NCKIPSD: variants seen among roughly 807,000 people sequenced by gnomAD.
NCKIPSD encodes NCK interacting protein with SH3 domain, also known as NCK-interacting protein with SH3 domain.
A neutral mutation model predicts 73.4 loss-of-function variants in NCKIPSD; 48 were observed. The observed-to-expected ratio is 0.65, with a 90% CI of 0.52 to 0.83. The LOEUF (loss-of-function observed/expected upper bound fraction) is 0.83, where lower values mean the gene tolerates loss of function less well. NCKIPSD is among the 40% of genes least tolerant of loss of function. The probability of loss-of-function intolerance (pLI) is 0.00; values close to 1 mark genes in which losing one functional copy is unlikely to be tolerated. For missense variants in NCKIPSD, 884 were observed against 970.2 expected, an observed-to-expected ratio of 0.91 and a Z score of 1.18; for synonymous variants, 422 against 403.6, an observed-to-expected ratio of 1.05 and a Z score of -0.54.
chr3:48,685,369 T>C (rs1442141418), intron 1 of NCKIPSD, among the ~76,000 whole-genome samples: 1 of 151,632 alleles, frequency 6.6e-6, no homozygotes, highest in Non-Finnish European at 1.5e-5. Context: ...GGGTCTGGGG[T>C]CCTGAGGAGT....
In NCKIPSD at chr3:48,674,667, G is replaced by A. The variant is rs1485625323; in HGVS notation, c.2046C>T (p.Asp682=). 1.2e-6 allele frequency: 2 copies of A among 1,613,984 alleles called. No homozygotes were observed. Among genetic ancestry groups the A allele is most frequent in the Non-Finnish European group, 1.7e-6 (2 of 1,180,008 alleles). Residue 682 remains aspartate, a synonymous_variant, in exon 13 of 13, where the codon GAC becomes GAT. Transcript: ENST00000294129. ...PYLQHRHRLP[D]LQAILRRILN... ...GGATGCGTCGCAGTATGGCCTGCAG[G>A]TCGGGTAGCCGGTGGCGGTGCTGCA... is the stretch of plus-strand genomic sequence containing the variant.
chr3:48,679,737 A>C (rs1281576121), intron 7 of NCKIPSD, 24 bp from the exon 8 acceptor site: 31 of 1,614,028 alleles, frequency 1.9e-5, no homozygotes, highest in Non-Finnish European at 2.5e-5. Flanking sequence ...CTGCGTGCTC[A>C]GTGCCTGGAA....
intron 12 of NCKIPSD, 34 bp downstream of exon 12, chr3:48,678,530 A>G (rs546423953): frequency 6.3e-7 from 1 of 1,583,280 alleles, no homozygotes; most frequent in Admixed American, 1.8e-5. Context: ...GTTTCCACAC[A>G]GTGACCCCCG....
Position 48,685,868 on chromosome 3 carries a change from C to T in NCKIPSD, c.-61G>A. On this transcript the variant is annotated 5_prime_UTR_variant, in exon 1 of 13. Coordinates refer to ENST00000294129, the MANE Select transcript of NCKIPSD (RefSeq NM_016453.4). ...GGGCTGCGGCGCCACAACGCCAGGC[C>T]GGGAGCGCCGAGCCGCGCCGCGGTT... The T allele has an allele frequency of 7.5e-7, 1 of 1,337,400 alleles. No homozygotes were observed. The highest frequency in any genetic ancestry group is 1.8e-5 in the South Asian group (1 of 55,386). 82.8% of individuals were successfully genotyped at this position (1,337,400 alleles called of 1,614,324 possible).
intron 12 of NCKIPSD, among the ~76,000 whole-genome samples, chr3:48,676,982 G>C (rs2077265560): frequency 4.7e-5 from 7 of 149,766 alleles, no homozygotes; most frequent in Admixed American, 4.6e-4. Context: ...AGACCACTTT[G>C]ACCAGGCTGG....
Position 48,678,898 on chromosome 3 carries a change from A to G in NCKIPSD, c.1771T>C (p.Leu591=). The change falls in exon 11 of 13, where the codon TTG becomes CTG. Residue 591 remains leucine (L), a synonymous_variant. Transcript: ENST00000294129. ...ANVKIFSEKL[L]LLLNRGDDPV... ...TCACCCCCTCTGTTCAGGAGCAACA[A>G]CAGCTTCTCGGAGAAGATCTTGACA... 6.2e-7 allele frequency: 1 copy of G among 1,613,922 alleles called. No homozygotes were observed. Among genetic ancestry groups the G allele is most frequent in the Non-Finnish European group, 8.5e-7 (1 of 1,179,990 alleles).
chr3:48,675,676 G>A (rs1348725873), intron 12 of NCKIPSD, among the ~76,000 whole-genome samples: 2 of 151,392 alleles, frequency 1.3e-5, no homozygotes, highest in Non-Finnish European at 2.9e-5. Flanking sequence ...CAAATAGCTG[G>A]GATTACAGGC....
intron 1 of NCKIPSD, among the ~76,000 whole-genome samples, chr3:48,684,666 C>T (rs1410104908): frequency 6.6e-6 from 1 of 152,188 alleles, no homozygotes; most frequent in African/African-American, 2.4e-5. Context: ...GGCCCTTCTT[C>T]CCCCTGTGGT....
chr3:48,682,034 TGCCTTCTTACCACTCCCAGAG>T lies in NCKIPSD; in HGVS notation c.588_598+10del. 1 of 1,599,098 alleles carries T rather than the reference TGCCTTCTTACCACTCCCAGAG, an allele frequency of 6.3e-7. No individual in the cohort carries two copies. The highest frequency in any genetic ancestry group is 8.5e-7 in the Non-Finnish European group (1 of 1,179,176). Reference sequence around the variant, plus strand: ...GCCTCCACCTGAATTCCCCTAACCCTGCCTTCTTACCACTCCCAGAGGCCATCAGGGCCTCGCGGTCTCGGC... The same window carrying T: ...GCCTCCACCTGAATTCCCCTAACCCTGCCATCAGGGCCTCGCGGTCTCGGC... On this transcript the variant is annotated splice_donor_variant and splice_donor_5th_base_variant and coding_sequence_variant and intron_variant, in exon 4 of 13. Coordinates refer to ENST00000294129, the MANE Select transcript of NCKIPSD (RefSeq NM_016453.4). LOFTEE classifies it high-confidence loss of function.
At chr3:48,677,233 T>A (rs565340204) in intron 12 of NCKIPSD, among the ~76,000 whole-genome samples, 1 of 151,426 alleles carries the variant, frequency 6.6e-6, no homozygotes, top group East Asian at 2.0e-4. Context: ...TGCTAAAATA[T>A]AAAAATTAGC....
Position 48,678,907 on chromosome 3 carries a change from CG to C in NCKIPSD, c.1761del (p.Glu588ArgfsTer7). 6.2e-7 allele frequency: 1 copy of C among 1,613,950 alleles called. No individual in the cohort carries two copies. The highest frequency in any genetic ancestry group is 8.5e-7 in the Non-Finnish European group (1 of 1,180,000). The stretch of plus-strand genomic sequence containing the variant: ...CTGTTCAGGAGCAACAACAGCTTCT[CG>C]GAGAAGATCTTGACATTGGCGTGTT... ...LSKHANVKIF[S>X]EKLLLLLNRG... On this transcript the variant is annotated frameshift_variant, in exon 11 of 13. Transcript: ENST00000294129. LOFTEE classifies it high-confidence loss of function.
At position 48,674,387 on chromosome 3, in the gene NCKIPSD, G is replaced by A. The variant is rs2077220131; in HGVS notation, c.*157C>T. On this transcript the variant is annotated 3_prime_UTR_variant, in exon 13 of 13. Coordinates refer to ENST00000294129, the MANE Select transcript of NCKIPSD (RefSeq NM_016453.4). ...GACCATGGTCCCCAATCCTACACTTGGCCCCTCTCTTAAGTTCTACTTCAG... is the reference window on the plus strand; with the variant it reads ...GACCATGGTCCCCAATCCTACACTTAGCCCCTCTCTTAAGTTCTACTTCAG... 3 of 1,452,080 alleles carry A rather than the reference G, an allele frequency of 2.1e-6. No individual in the cohort carries two copies. Among genetic ancestry groups the A allele is most frequent in the African/African-American group, 2.8e-5 (2 of 70,470 alleles). The allele number at this position is 1,452,080 out of a possible 1,614,324, so 89.9% of individuals were successfully genotyped here.
chr3:48,681,988 C>T (rs2077361244), intron 4 of NCKIPSD, 57 bp downstream of exon 4: 3 of 1,556,454 alleles, frequency 1.9e-6, no homozygotes, highest in Non-Finnish European at 2.6e-6. Context: ...ACAGGCAGCA[C>T]AACCATTCCA....
chr3:48,684,675 G>C (rs1334065934), intron 1 of NCKIPSD, among the ~76,000 whole-genome samples: 4 of 152,214 alleles, frequency 2.6e-5, no homozygotes, highest in Non-Finnish European at 5.9e-5. Flanking sequence ...TCCCCCTGTG[G>C]TCAGAATAGA....
Position 48,682,546 on chromosome 3 carries a change from C to A in NCKIPSD, c.288G>T (p.Leu96=). ...SLEQRGVLQK[L]IHHRKETLSR... ...ACAGGGTCTCTTTCCGGTGGTGGATCAGCTTCCTGATGGAAGGACAGGAAG... is the reference window on the plus strand; with the variant it reads ...ACAGGGTCTCTTTCCGGTGGTGGATAAGCTTCCTGATGGAAGGACAGGAAG... The change falls in exon 3 of 13, where the codon CTG becomes CTT. Residue 96 remains leucine, a synonymous_variant. Transcript: ENST00000294129. The A allele has an allele frequency of 1.9e-6, 3 of 1,613,896 alleles. No individual in the cohort carries two copies. The highest frequency in any genetic ancestry group is 2.5e-6 in the Non-Finnish European group (3 of 1,179,894).
At position 48,682,154 on chromosome 3, in the gene NCKIPSD, G is replaced by A. The variant is rs1220612543; in HGVS notation, c.489C>T (p.Ile163=). The A allele has an allele frequency of 6.3e-7, 1 of 1,596,216 alleles. No individual in the cohort carries two copies. Among genetic ancestry groups the A allele is most frequent in the Non-Finnish European group, 8.5e-7 (1 of 1,177,728 alleles). Reference sequence around the variant, plus strand: ...GTGGGATCTGGGAAGATGGAAGTGGGATCTGGAAGATGGAAGTAGGATCTT... The same window carrying A: ...GTGGGATCTGGGAAGATGGAAGTGGAATCTGGAAGATGGAAGTAGGATCTT... The part of the protein sequence containing the change: ...HLGADGGLYQ[I]PLPSSQIPPQ... Residue 163 remains isoleucine (I), a splice_region_variant and synonymous_variant, in exon 4 of 13, where the codon ATC becomes ATT. Coordinates refer to ENST00000294129, the MANE Select transcript of NCKIPSD (RefSeq NM_016453.4).
Position 48,681,749 on chromosome 3 carries a change from G to T in NCKIPSD, c.630C>A (p.Asn210Lys), listed in dbSNP as rs952927543. ...GGHNTMPSGGNSVSSGSSVSS... is the reference protein window; with the variant it reads ...GGHNTMPSGGKSVSSGSSVSS... ...TGACTGAGGAGCCGCTGGACACAGA[G>T]TTACCCCCGGAGGGCATGGTGTTGT... The change falls in exon 5 of 13, where the codon AAC becomes AAA. Residue 210 changes from asparagine (N) to lysine (K), a missense_variant. Coordinates refer to ENST00000294129, the MANE Select transcript of NCKIPSD (RefSeq NM_016453.4). 1.3e-5 allele frequency: 20 copies of T among 1,525,152 alleles called. No homozygotes were observed. Among genetic ancestry groups the T allele is most frequent in the Non-Finnish European group, 1.7e-5 (19 of 1,137,656 alleles). 94.5% of individuals were successfully genotyped at this position (1,525,152 alleles called of 1,614,324 possible). A position where few individuals can be genotyped will look rare whatever the true frequency, so the allele number is the denominator to read the frequency against.
chr3:48,682,679 AC>A, intron 2 of NCKIPSD, 127 bp from the exon 3 acceptor site: 2 of 1,194,500 alleles, frequency 1.7e-6, no homozygotes, highest in South Asian at 1.4e-5. Flanking sequence ...TCCATGCTCC[AC>A]CCCAGCCTAC....
intron 12 of NCKIPSD, among the ~76,000 whole-genome samples, chr3:48,675,530 T>TATG (rs1559490010): frequency 8.8e-4 from 121 of 137,188 alleles, no homozygotes; most frequent in African/African-American, 2.9e-3. Flanking sequence ...ATATATATGA[T>TATG]ATATATATAT....
Sources: gnomAD v4.1 joint callset for allele counts (sites outside exome capture counted in the v4.1 genomes callset) on GRCh38, gnomAD v4.1.1 for gene constraint, MANE v1.5 for transcripts, NCBI Gene and HGNC (gene_info 2026-07-23, HGNC 2026-07-21) for gene names.